Variants in STK10 observed in about 807,000 individuals in gnomAD.
The protein encoded by STK10 is serine/threonine-protein kinase 10.
A neutral mutation model predicts 113.8 loss-of-function variants in STK10; 78 were observed. That is an observed-to-expected ratio of 0.69 (90% CI 0.57 to 0.83). STK10 has a LOEUF of 0.83. Ranked by LOEUF, STK10 falls within the 40% of genes least tolerant of loss-of-function variation. The pLI, the probability that STK10 is intolerant of heterozygous loss-of-function variation, is 0.00. For missense variants in STK10, 1,109 were observed against 1,280.1 expected (o/e 0.87, Z 2.04); for synonymous variants, 465 against 494.7 (o/e 0.94, Z 0.80).
intron 1 of STK10, among the ~76,000 whole-genome samples, chr5:172,181,672 G>A (rs1429956762): frequency 2.0e-5 from 3 of 150,652 alleles, no homozygotes; most frequent in East Asian, 3.9e-4. Context: ...TTAGTAGAGA[G>A]GGGGTTTTGC....
At chr5:172,110,954 T>C (rs1419193911) in intron 4 of STK10, among the ~76,000 whole-genome samples, 1 of 152,270 alleles carries the variant, frequency 6.6e-6, no homozygotes, top group Middle Eastern at 3.4e-3. Flanking sequence ...TCAGGAAAGC[T>C]GGCTTCTGAG....
In STK10 at chr5:172,121,201, T is replaced by C. The variant is rs559400931; in HGVS notation, c.371-3571A>G. On this transcript the variant is annotated intron_variant, in intron 3 of 18. Transcript: ENST00000176763. Reference sequence around the variant, plus strand: ...GTGCCACGACGCCCGGCTAATTTTTTTGTACTATTAGTAGAGACGGGGTTT... The same window carrying C: ...GTGCCACGACGCCCGGCTAATTTTTCTGTACTATTAGTAGAGACGGGGTTT... Among the ~76,000 whole-genome samples the C allele has an allele frequency of 4.6e-5, 7 of 152,000 alleles. No homozygotes were observed. The East Asian group carries it at 1.4e-3, about 30-fold the overall frequency.
chr5:172,054,753 AGCC>A, intron 16 of STK10, 59 bp from the exon 17 acceptor site: 1 of 1,597,014 alleles, frequency 6.3e-7, no homozygotes, highest in Non-Finnish European at 8.5e-7. Flanking sequence ...TTGGGTAGGG[AGCC>A]CCACTCAGCC....
intron 1 of STK10, among the ~76,000 whole-genome samples, chr5:172,161,369 C>T (rs1581185777): frequency 6.6e-6 from 1 of 151,972 alleles, no homozygotes; most frequent in African/African-American, 2.4e-5. Flanking sequence ...AGGAGAATCG[C>T]TTGAACCCAG....
chr5:172,077,474 T>C (rs941430291), intron 12 of STK10, among the ~76,000 whole-genome samples: 6 of 152,222 alleles, frequency 3.9e-5, no homozygotes, highest in African/African-American at 1.4e-4. Context: ...ACTTGGTATA[T>C]AGGAACTGAG....
chr5:172,134,253 C>G (rs1014094563), intron 2 of STK10, among the ~76,000 whole-genome samples: 2 of 152,088 alleles, frequency 1.3e-5, no homozygotes, highest in Non-Finnish European at 2.9e-5. Context: ...ACCAGTGTTC[C>G]TTTTTATCTT....
rs1770967102 is a variant in STK10 at position 172,187,240 on chromosome 5, G to A, written c.156+647C>T. On this transcript the variant is annotated intron_variant, in intron 1 of 18. Transcript: ENST00000176763. This position sits in a 1 kb window ranked among gnomAD's most constrained non-coding sequence, Gnocchi z 4.6. ...TGACTGCAGGCTGGGAGACTCCCCAGCTGTGACTCAGACCGACGGAATCAA... is the reference window on the plus strand; with the variant it reads ...TGACTGCAGGCTGGGAGACTCCCCAACTGTGACTCAGACCGACGGAATCAA... Among the ~76,000 whole-genome samples, 1 of 152,068 alleles carries A rather than the reference G, an allele frequency of 6.6e-6. No individual in the cohort carries two copies. The highest frequency in any genetic ancestry group is 2.1e-4 in the South Asian group (1 of 4,832).
intron 1 of STK10, among the ~76,000 whole-genome samples, chr5:172,180,199 C>T (rs914804139): frequency 6.6e-6 from 1 of 152,260 alleles, no homozygotes; most frequent in African/African-American, 2.4e-5. Flanking sequence ...CGTGGTGGCT[C>T]ACGCCTGTAA....
At chr5:172,159,631 A>C (rs537496826) in intron 1 of STK10, among the ~76,000 whole-genome samples, 1 of 150,874 alleles carries the variant, frequency 6.6e-6, no homozygotes, top group Non-Finnish European at 1.5e-5. Context: ...AGACCAGCCT[A>C]GGCAAGATGG....
intron 2 of STK10, 24 bp downstream of exon 2, chr5:172,156,600 G>A: frequency 6.2e-7 from 1 of 1,604,330 alleles, no homozygotes; most frequent in Non-Finnish European, 8.5e-7. Context: ...GGCTGAGCTG[G>A]GACAGACAGG....
chr5:172,071,212 CAAAAAAA>C (rs369407918), intron 12 of STK10, among the ~76,000 whole-genome samples: 155 of 26,584 alleles, frequency 5.8e-3, no homozygotes, highest in African/African-American at 0.016. Flanking sequence ...CTCTCTATCT[CAAAAAAA>C]AAAAAAAAAA....
chr5:172,124,701 G>A (rs1307812978), intron 3 of STK10, among the ~76,000 whole-genome samples: 1 of 151,998 alleles, frequency 6.6e-6, no homozygotes, highest in African/African-American at 2.4e-5. Context: ...CCCAAATATT[G>A]AAATCCCCAA....
intron 1 of STK10, among the ~76,000 whole-genome samples, chr5:172,175,958 C>G (rs932744625): frequency 1.3e-5 from 2 of 152,164 alleles, no homozygotes; most frequent in Non-Finnish European, 2.9e-5. Flanking sequence ...CATGTAGGAA[C>G]TGAGCAAAAG....
intron 4 of STK10, among the ~76,000 whole-genome samples, chr5:172,115,476 G>T (rs1236089963): frequency 6.6e-6 from 1 of 152,172 alleles, no homozygotes; most frequent in East Asian, 1.9e-4. Context: ...CAGGGATACG[G>T]TCCTGGCAGC....
intron 10 of STK10, among the ~76,000 whole-genome samples, chr5:172,086,572 C>A (rs1340928267): frequency 2.0e-5 from 3 of 152,166 alleles, no homozygotes; most frequent in African/African-American, 7.2e-5. Context: ...AGGAACTCTG[C>A]CCGGAAGCCT....
Position 172,188,161 on chromosome 5 carries a change from G to A in STK10, c.-119C>T, listed in dbSNP as rs990893322. ...GCCGCGTCTCTCGGGGTTCTCCCCA[G>A]ACCCGCCTTTCCCCGCAGCCCGACC... On this transcript the variant is annotated 5_prime_UTR_variant, in exon 1 of 19. Transcript: ENST00000176763. The surrounding 1 kb of genome is among the most constrained non-coding windows in gnomAD (Gnocchi z 5.6). 7.6e-6 allele frequency: 11 copies of A among 1,451,772 alleles called. No individual in the cohort carries two copies. Among genetic ancestry groups the A allele is most frequent in the Non-Finnish European group, 1.0e-5 (11 of 1,097,616 alleles). 89.9% of individuals were successfully genotyped at this position (1,451,772 alleles called of 1,614,324 possible).
rs796338307 is a variant in STK10, at chr5:172,170,317, A to T, written c.157-13529T>A. Among the ~76,000 whole-genome samples the T allele has an allele frequency of 1.2e-4, 18 of 152,248 alleles. 1 individual carries two copies. The highest frequency in any genetic ancestry group is 4.1e-4 in the African/African-American group (17 of 41,556). ...TCTGGCTGTTCTCCAGTTTTGAAAG[A>T]TGGCACCTCTTTACCTTGCAGGAGC... On this transcript the variant is annotated intron_variant, in intron 1 of 18. Coordinates refer to ENST00000176763, the MANE Select transcript of STK10 (RefSeq NM_005990.4).
chr5:172,097,366 C>T (rs990563943), intron 7 of STK10, among the ~76,000 whole-genome samples: 4 of 152,152 alleles, frequency 2.6e-5, no homozygotes, highest in Admixed American at 6.5e-5. Flanking sequence ...TATATATGCA[C>T]GCACCGTAAC....
chr5:172,173,061 T>C (rs1581190556), intron 1 of STK10, among the ~76,000 whole-genome samples: 1 of 151,974 alleles, frequency 6.6e-6, no homozygotes, highest in Non-Finnish European at 1.5e-5. Context: ...TCCTAGCCAC[T>C]GTAGATGGTC....
Sources: gnomAD v4.1 joint callset for allele counts (sites outside exome capture counted in the v4.1 genomes callset) on GRCh38, gnomAD v4.1.1 for gene constraint, Gnocchi (gnomAD v3.1) non-coding constraint, MANE v1.5 for transcripts, NCBI Gene and HGNC (gene_info 2026-07-23, HGNC 2026-07-21) for gene names.